The following DYRK1A variants were observed in gnomAD, a reference collection of about 807,000 sequenced individuals.
DYRK1A encodes the protein dual specificity tyrosine-phosphorylation-regulated kinase 1A.
In DYRK1A, 9 loss-of-function variants were observed where a neutral mutation model predicts 79.7. The observed-to-expected ratio is 0.11, with a 90% CI of 0.07 to 0.20. The LOEUF (loss-of-function observed/expected upper bound fraction) is 0.20. Among genes scored for constraint, DYRK1A ranks in the 10% least tolerant of loss-of-function variants. DYRK1A has a pLI of 1.00. For missense variants in DYRK1A, 622 were observed against 956.0 expected (o/e 0.65, Z 4.61); for synonymous variants, 349 against 329.7 (o/e 1.06, Z -0.63).
chr21:37,463,507 C>T (rs1475722864), intron 2 of DYRK1A, among the ~76,000 whole-genome samples: 1 of 152,112 alleles, frequency 6.6e-6, no homozygotes, highest in African/African-American at 2.4e-5. Context: ...GATTCAAGAA[C>T]CCCTCATTTA....
chr21:37,405,634 C>G (rs1272782499), intron 1 of DYRK1A, among the ~76,000 whole-genome samples: 1 of 152,168 alleles, frequency 6.6e-6, no homozygotes, highest in Admixed American at 6.5e-5. Flanking sequence ...AAATTCAGGT[C>G]TCACTTGTCA....
At position 37,518,371 on chromosome 21, in the gene DYRK1A, A is replaced by G. The variant is rs749484023; in HGVS notation, c.*5840A>G. 2.0e-5 allele frequency: 3 copies of G among 152,230 alleles called. No individual in the cohort carries two copies. The highest frequency in any genetic ancestry group is 7.2e-5 in the African/African-American group (3 of 41,464). 9.4% of individuals were successfully genotyped at this position (152,230 alleles called of 1,614,324 possible). On this transcript the variant is annotated 3_prime_UTR_variant, in exon 12 of 12. Coordinates refer to ENST00000647188, the MANE Select transcript of DYRK1A (RefSeq NM_001347721.2). ...TGACTAATGAACTCTAGTGATCGCAAACTGCTCAATCGGTACTCATCAATT... is the reference window on the plus strand; with the variant it reads ...TGACTAATGAACTCTAGTGATCGCAGACTGCTCAATCGGTACTCATCAATT...
At chr21:37,396,764 C>T (rs1157920602) in intron 1 of DYRK1A, among the ~76,000 whole-genome samples, 1 of 152,050 alleles carries the variant, frequency 6.6e-6, no homozygotes, top group East Asian at 1.9e-4. Flanking sequence ...GTATGGTGAA[C>T]ACATTAGAAT....
chr21:37,434,517 A>C (rs538251835), intron 2 of DYRK1A, among the ~76,000 whole-genome samples: 46 of 152,298 alleles, frequency 3.0e-4, no homozygotes, highest in Middle Eastern at 6.8e-3. Flanking sequence ...AGCTGTTAGT[A>C]TGTACTGACA....
At chr21:37,403,207 C>T (rs944446894) in intron 1 of DYRK1A, among the ~76,000 whole-genome samples, 1 of 151,186 alleles carries the variant, frequency 6.6e-6, no homozygotes, top group African/African-American at 2.4e-5. Context: ...TCTTTTTGTT[C>T]TTTTTTTTAT....
chr21:37,521,736 C>G lies in DYRK1A; in HGVS notation c.*9205C>G, dbSNP rs929830377. On this transcript the variant is annotated 3_prime_UTR_variant, in exon 12 of 12. Transcript: ENST00000647188. The stretch of plus-strand genomic sequence containing the variant: ...ATCTAGGAGAAGACAACAGGCCATT[C>G]GAAGGTGAGGAGGCTTGCCAGCATC... 1 of 152,128 alleles carries G rather than the reference C, an allele frequency of 6.6e-6. No individual in the cohort carries two copies. The highest frequency in any genetic ancestry group is 1.9e-4 in the East Asian group (1 of 5,186). The allele number at this position is 152,128 out of a possible 1,614,324, so 9.4% of individuals were successfully genotyped here.
intron 1 of DYRK1A, among the ~76,000 whole-genome samples, chr21:37,387,353 A>G (rs2049780245): frequency 6.6e-6 from 1 of 152,208 alleles, no homozygotes. Flanking sequence ...TTTGTTCACC[A>G]TAAACCAGAT....
At position 37,467,199 on chromosome 21, in the gene DYRK1A, C is replaced by T. The variant is rs535936724; in HGVS notation, c.11-5485C>T. 3.9e-5 allele frequency among the ~76,000 whole-genome samples: 6 copies of T among 152,134 alleles called. No homozygotes were observed. The South Asian group carries it at 1.2e-3, about 32-fold the overall frequency. ...TTCACCAGTGAATCTACCACACACG[C>T]ATAAAATCATGACCAAATCGCATTC... On this transcript the variant is annotated intron_variant, in intron 2 of 11. Coordinates refer to ENST00000647188, the MANE Select transcript of DYRK1A (RefSeq NM_001347721.2).
At chr21:37,387,196 A>T (rs2049777214) in intron 1 of DYRK1A, among the ~76,000 whole-genome samples, 2 of 152,224 alleles carry the variant, frequency 1.3e-5, no homozygotes, top group African/African-American at 4.8e-5. Context: ...TTGCCTTAAG[A>T]TTTAATACAT....
intron 2 of DYRK1A, chr21:37,430,170 C>CT (rs2050737875): frequency 2.4e-6 from 1 of 408,454 alleles, no homozygotes; most frequent in Non-Finnish European, 3.3e-6. Context: ...TTCTTTTTAC[C>CT]TCACAGCTGT....
intron 9 of DYRK1A, chr21:37,504,707 A>G (rs2053544580): frequency 6.6e-6 from 1 of 152,360 alleles, no homozygotes. Flanking sequence ...GGAAGCATAC[A>G]TAATTTTCTC....
In DYRK1A at chr21:37,405,380, T is replaced by C. The variant is rs557959171; in HGVS notation, c.-76-14919T>C. 3.9e-5 allele frequency among the ~76,000 whole-genome samples: 6 copies of C among 152,354 alleles called. No individual in the cohort carries two copies. In the South Asian group the frequency reaches 6.2e-4, roughly 16 times the overall value. On this transcript the variant is annotated intron_variant, in intron 1 of 11. Coordinates refer to ENST00000647188, the MANE Select transcript of DYRK1A (RefSeq NM_001347721.2). The stretch of plus-strand genomic sequence containing the variant: ...CTAATTCTTGGCTTTAGTTCTGTTT[T>C]CTTCAACTATAGGGAGCGAGTCAAG...
At chr21:37,490,675 C>T (rs1317146878) in intron 7 of DYRK1A, among the ~76,000 whole-genome samples, 1 of 151,328 alleles carries the variant, frequency 6.6e-6, no homozygotes, top group Non-Finnish European at 1.5e-5. Flanking sequence ...TTACAGGATG[C>T]TTATTTATCT....
intron 2 of DYRK1A, among the ~76,000 whole-genome samples, chr21:37,457,037 C>CTTACTTACTTACTTATTTAT (rs1035437095): frequency 1.4e-3 from 83 of 59,240 alleles, no homozygotes; most frequent in African/African-American, 4.1e-3. Context: ...TACTTACTTA[C>CTTACTTACTTACTTATTTAT]TTATTTATTT....
chr21:37,466,601 A>G (rs2052033203), intron 2 of DYRK1A, among the ~76,000 whole-genome samples: 1 of 152,182 alleles, frequency 6.6e-6, no homozygotes, highest in Admixed American at 6.5e-5. Flanking sequence ...TGATGCAGAG[A>G]AGGCTTGGTG....
In DYRK1A at chr21:37,480,626, T is replaced by A. The variant is rs1441950745; in HGVS notation, c.301-12T>A. The A allele has an allele frequency of 6.5e-7, 1 of 1,533,758 alleles. No homozygotes were observed. Reference sequence around the variant, plus strand: ...TAAATTTTACAGTTAACACTATGTATTCTCATTTCAGGTTTACTATGCAAA... The same window carrying A: ...TAAATTTTACAGTTAACACTATGTAATCTCATTTCAGGTTTACTATGCAAA... On this transcript the variant is annotated splice_polypyrimidine_tract_variant and intron_variant, in intron 4 of 11. Coordinates refer to ENST00000647188, the MANE Select transcript of DYRK1A (RefSeq NM_001347721.2).
intron 1 of DYRK1A, among the ~76,000 whole-genome samples, chr21:37,395,799 T>G (rs2049950409): frequency 1.3e-5 from 2 of 152,182 alleles, no homozygotes; most frequent in African/African-American, 4.8e-5. Context: ...ATTTACTCTG[T>G]GAAATTTTGC....
At position 37,472,726 on chromosome 21, in the gene DYRK1A, C is replaced by T; in HGVS notation, c.53C>T (p.Ala18Val). The change falls in exon 3 of 12, where the codon GCA (alanine) becomes GTA (valine). Residue 18 changes from alanine to valine, a missense_variant. This residue lies in a region of DYRK1A where 91 missense variants were observed against 113.8 expected (regional missense o/e 0.80). Transcript: ENST00000647188. Reference sequence around the variant, plus strand: ...TGCAAACCTTCATCTGTTCGGCTTGCACCGTCATTTTCATTCCATGCTGCT... The same window carrying T: ...TGCAAACCTTCATCTGTTCGGCTTGTACCGTCATTTTCATTCCATGCTGCT... The part of the protein sequence containing the change: ...SACKPSSVRL[A>V]PSFSFHAAGL... 6.2e-7 allele frequency: 1 copy of T among 1,610,294 alleles called. No homozygotes were observed. The highest frequency in any genetic ancestry group is 8.5e-7 in the Non-Finnish European group (1 of 1,177,346).
At chr21:37,444,663 G>C (rs1365398166) in intron 2 of DYRK1A, among the ~76,000 whole-genome samples, 1 of 152,134 alleles carries the variant, frequency 6.6e-6, no homozygotes, top group African/African-American at 2.4e-5. Flanking sequence ...ATGATGCCAA[G>C]CCTGGGTGCA....
Sources: gnomAD v4.1 joint callset for allele counts (sites outside exome capture counted in the v4.1 genomes callset) on GRCh38, gnomAD v4.1.1 for gene constraint, gnomAD v4.1.1 regional missense constraint, MANE v1.5 for transcripts, NCBI Gene and HGNC (gene_info 2026-07-23, HGNC 2026-07-21) for gene names.